CSMD3: variants seen among roughly 807,000 people sequenced by gnomAD.
CSMD3 encodes CUB and sushi domain-containing protein 3.
A neutral mutation model predicts 435.2 loss-of-function variants in CSMD3; 177 were observed. The ratio of observed to expected loss-of-function variants is 0.41; its 90% confidence interval spans 0.36 to 0.46. The LOEUF (loss-of-function observed/expected upper bound fraction) is 0.46. CSMD3 is among the 20% of genes least tolerant of loss of function. The pLI is 0.34. For missense variants in CSMD3, 4,265 were observed against 4,504.6 expected (o/e 0.95, Z 1.52); for synonymous variants, 1,656 against 1,520.5 (o/e 1.09, Z -2.07).
chr8:112,810,733 A>G (rs952792254), intron 12 of CSMD3, among the ~76,000 whole-genome samples: 1 of 152,124 alleles, frequency 6.6e-6, no homozygotes, highest in East Asian at 1.9e-4. Context: ...GTCCTAGATT[A>G]TCTTATAAAT....
intron 38 of CSMD3, among the ~76,000 whole-genome samples, chr8:112,356,817 TC>T (rs1441028106): frequency 6.6e-6 from 1 of 152,150 alleles, no homozygotes; most frequent in African/African-American, 2.4e-5. Flanking sequence ...GACTTGCTCT[TC>T]CTTGCCTTCC....
intron 53 of CSMD3, among the ~76,000 whole-genome samples, chr8:112,296,485 G>C (rs1475724172): frequency 6.6e-6 from 1 of 151,826 alleles, no homozygotes; most frequent in Non-Finnish European, 1.5e-5. Flanking sequence ...GGAAGGTGGA[G>C]CTTGCAGTGA....
intron 1 of CSMD3, among the ~76,000 whole-genome samples, chr8:113,383,481 T>G (rs529957488): frequency 6.6e-6 from 1 of 152,110 alleles, no homozygotes; most frequent in African/African-American, 2.4e-5. Flanking sequence ...TTGAGGAGCC[T>G]GGTTGAGTGG....
intron 4 of CSMD3, among the ~76,000 whole-genome samples, chr8:113,132,793 A>C (rs929102817): frequency 5.3e-5 from 8 of 152,164 alleles, no homozygotes; most frequent in African/African-American, 1.9e-4. Context: ...GGAATAGGGA[A>C]GGGGGCTTAC....
intron 22 of CSMD3, among the ~76,000 whole-genome samples, chr8:112,632,800 A>G (rs1173522325): frequency 6.6e-6 from 1 of 151,826 alleles, no homozygotes; most frequent in East Asian, 1.9e-4. Flanking sequence ...ACTTACCGGT[A>G]GTTTTTAATT....
chr8:112,536,450 T>G (rs1237196306), intron 27 of CSMD3, among the ~76,000 whole-genome samples: 1 of 152,038 alleles, frequency 6.6e-6, no homozygotes, highest in Non-Finnish European at 1.5e-5. Context: ...ATCAGAGAAA[T>G]GCAAATCAAA....
chr8:112,360,632 G>T (rs28688503), intron 38 of CSMD3, among the ~76,000 whole-genome samples: 100,904 of 151,552 alleles, frequency 0.67, 35,400 homozygotes, highest in African/African-American at 0.89. Context: ...CATCTCCAGA[G>T]TTTCTATAAT....
chr8:113,366,933 T>C (rs1177585759), intron 1 of CSMD3, among the ~76,000 whole-genome samples: 6 of 152,040 alleles, frequency 3.9e-5, no homozygotes, highest in Non-Finnish European at 7.4e-5. Flanking sequence ...TATTTAAATA[T>C]ACAACAAAAT....
intron 2 of CSMD3, among the ~76,000 whole-genome samples, chr8:113,279,174 C>A (rs1460415313): frequency 6.7e-6 from 1 of 149,722 alleles, no homozygotes; most frequent in African/African-American, 2.5e-5. Flanking sequence ...CTATGAAGAG[C>A]GATAACATAG....
At chr8:112,583,892 C>T (rs954707152) in intron 23 of CSMD3, among the ~76,000 whole-genome samples, 8 of 151,822 alleles carry the variant, frequency 5.3e-5, no homozygotes, top group Non-Finnish European at 8.8e-5. Flanking sequence ...AAGAATCACA[C>T]GGGAATTTTT....
rs149659845 is a variant in CSMD3 at position 112,289,585 on chromosome 8, C to T, written c.8975-47G>A. ...TATAAAATTTTTTTATATCTCCTAT[C>T]GAACAACCTATACCAGCATGTTTAT... On this transcript the variant is annotated intron_variant, in intron 56 of 70. Coordinates refer to ENST00000297405, the MANE Select transcript of CSMD3 (RefSeq NM_198123.2). 1,298 of 1,224,004 alleles carry T rather than the reference C, an allele frequency of 1.1e-3. 6 individuals are homozygous for T. The highest frequency in any genetic ancestry group is 0.01 in the African/African-American group (690 of 66,446). The allele number at this position is 1,224,004 out of a possible 1,614,324, so 75.8% of individuals were successfully genotyped here.
At chr8:112,887,658 T>A (rs2081646935) in intron 10 of CSMD3, among the ~76,000 whole-genome samples, 1 of 151,442 alleles carries the variant, frequency 6.6e-6, no homozygotes, top group African/African-American at 2.4e-5. Flanking sequence ...ATAGTATGGA[T>A]AGTGCATACC....
At chr8:112,764,914 A>G (rs1457871331) in intron 13 of CSMD3, among the ~76,000 whole-genome samples, 1 of 151,652 alleles carries the variant, frequency 6.6e-6, no homozygotes, top group Non-Finnish European at 1.5e-5. Context: ...ATTACAAATT[A>G]TATGTAGAGA....
rs374060928 is a variant in CSMD3, at chr8:113,132,257, C to T, written c.710-33294G>A. Among the ~76,000 whole-genome samples the T allele has an allele frequency of 1.1e-4, 17 of 151,968 alleles. No homozygotes were observed. The East Asian group carries it at 1.2e-3, about 10-fold the overall frequency. On this transcript the variant is annotated intron_variant, in intron 4 of 70. Coordinates refer to ENST00000297405, the MANE Select transcript of CSMD3 (RefSeq NM_198123.2). ...GAGTTAAGACTTTGGTCAGGGGGTA[C>T]TGTTGAGAATGAATAATTGTATTTT...
rs2130259505 is a variant in CSMD3 at position 112,254,334 on chromosome 8, G to C, written c.10037-8C>G. 1 of 1,601,000 alleles carries C rather than the reference G, an allele frequency of 6.2e-7. No homozygotes were observed. The highest frequency in any genetic ancestry group is 1.1e-5 in the South Asian group (1 of 90,832). ...AAGAGGTTTGGGTAGGCTCTAAAAT[G>C]AAGATTAAAAAGATATTAGTCCTTT... On this transcript the variant is annotated splice_polypyrimidine_tract_variant and splice_region_variant and intron_variant, in intron 62 of 70. Coordinates refer to ENST00000297405, the MANE Select transcript of CSMD3 (RefSeq NM_198123.2).
chr8:113,211,701 A>G (rs2092836948), intron 3 of CSMD3, among the ~76,000 whole-genome samples: 3 of 152,088 alleles, frequency 2.0e-5, no homozygotes, highest in Non-Finnish European at 2.9e-5. Context: ...AAAATAAATA[A>G]ATAAATAAAT....
intron 1 of CSMD3, among the ~76,000 whole-genome samples, chr8:113,360,775 T>G (rs945769715): frequency 4.0e-5 from 6 of 151,576 alleles, no homozygotes; most frequent in South Asian, 2.1e-4. Flanking sequence ...GGGTTTCACC[T>G]TGTTAGCCAG....
At chr8:112,274,308 G>T (rs566348222) in intron 59 of CSMD3, among the ~76,000 whole-genome samples, 1 of 152,126 alleles carries the variant, frequency 6.6e-6, no homozygotes, top group African/African-American at 2.4e-5. Flanking sequence ...AAACAAATTA[G>T]TTGAATCCCC....
At chr8:113,206,396 T>C (rs930742354) in intron 3 of CSMD3, among the ~76,000 whole-genome samples, 1 of 152,142 alleles carries the variant, frequency 6.6e-6, no homozygotes, top group Non-Finnish European at 1.5e-5. Context: ...CCAATAATCC[T>C]AAGAGTGAAA....
Sources: gnomAD v4.1 joint callset for allele counts (sites outside exome capture counted in the v4.1 genomes callset) on GRCh38, gnomAD v4.1.1 for gene constraint, MANE v1.5 for transcripts, NCBI Gene and HGNC (gene_info 2026-07-23, HGNC 2026-07-21) for gene names.